Variants in CLSPN observed in about 807,000 individuals in gnomAD.
CLSPN encodes claspin homolog.
CLSPN carries 85 observed loss-of-function variants against 156.3 expected under a neutral mutation model. The ratio of observed to expected loss-of-function variants is 0.54; its 90% CI spans 0.46 to 0.65. The LOEUF (loss-of-function observed/expected upper bound fraction) is 0.65, where lower values mean the gene tolerates loss of function less well. CLSPN is among the 30% of genes least tolerant of loss of function. The pLI, the probability that CLSPN is intolerant of heterozygous loss-of-function variation, is 0.00. For missense variants in CLSPN, 1,407 were observed against 1,554.9 expected (o/e 0.90, Z 1.60); for synonymous variants, 534 against 542.4 (o/e 0.98, Z 0.22).
At position 35,769,889 on chromosome 1, in the gene CLSPN, G is replaced by T. The variant is rs375832393; in HGVS notation, c.-19C>A. On this transcript the variant is annotated 5_prime_UTR_variant, in exon 1 of 25. Transcript: ENST00000318121. The stretch of plus-strand genomic sequence containing the variant: ...CTGTCATGACTTCTGCCTCCCCTGC[G>T]CTCCACTAGGGACGGAGCTGTCTCT... 1 of 1,608,816 alleles carries T rather than the reference G, an allele frequency of 6.2e-7. No individual in the cohort carries two copies. Among genetic ancestry groups the T allele is most frequent in the East Asian group, 2.2e-5 (1 of 44,532 alleles).
chr1:35,728,245 C>A (rs1248780167), downstream of CLSPN, among the ~76,000 whole-genome samples: 1 of 152,054 alleles, frequency 6.6e-6, no homozygotes, highest in African/African-American at 2.4e-5. Context: ...CCATGCACAG[C>A]TAATTTTTGT....
chr1:35,741,698 G>A (rs1401102948), intron 18 of CLSPN, among the ~76,000 whole-genome samples: 1 of 152,148 alleles, frequency 6.6e-6, no homozygotes, highest in African/African-American at 2.4e-5. Context: ...GGGCCGGCCA[G>A]GTGGGGTGGC....
At chr1:35,745,786 T>C (rs1206989355) in intron 15 of CLSPN, among the ~76,000 whole-genome samples, 3 of 152,210 alleles carry the variant, frequency 2.0e-5, no homozygotes, top group Non-Finnish European at 2.9e-5. Context: ...CCAGGTCTCA[T>C]AGAGCTTATG....
At chr1:35,745,742 C>G (rs945274663) in intron 15 of CLSPN, among the ~76,000 whole-genome samples, 180 bp from the exon 16 acceptor site, 5 of 152,180 alleles carry the variant, frequency 3.3e-5, no homozygotes, top group African/African-American at 9.7e-5. Context: ...ATGTGCCAGG[C>G]CACCAGGGAT....
At chr1:35,754,958 C>T (rs1254214429) in intron 8 of CLSPN, among the ~76,000 whole-genome samples, 1 of 152,184 alleles carries the variant, frequency 6.6e-6, no homozygotes, top group African/African-American at 2.4e-5. Context: ...TAGCTGTTAC[C>T]TGGAACCAAT....
intron 8 of CLSPN, among the ~76,000 whole-genome samples, chr1:35,754,843 C>A (rs144518163): frequency 1.1e-3 from 162 of 152,154 alleles, no homozygotes; most frequent in Admixed American, 1.8e-3. Context: ...TGTATACAAA[C>A]GGAAATATAT....
In CLSPN at chr1:35,761,996, A is replaced by C; in HGVS notation, c.895+2T>G. On this transcript the variant is annotated splice_donor_variant, in intron 6 of 24. Transcript: ENST00000318121. LOFTEE classifies it high-confidence loss of function. Reference sequence around the variant, plus strand: ...GCCTCAAAGTTTACTGGGTTGCATTACCTCGAATAAGGCGCTGAGTCTCAC... The same window carrying C: ...GCCTCAAAGTTTACTGGGTTGCATTCCCTCGAATAAGGCGCTGAGTCTCAC... 6.2e-7 allele frequency: 1 copy of C among 1,609,010 alleles called. No homozygotes were observed. Among genetic ancestry groups the C allele is most frequent in the African/African-American group, 1.3e-5 (1 of 74,978 alleles).
chr1:35,737,396 T>A lies in CLSPN; in HGVS notation c.3690A>T (p.Glu1230Asp). The stretch of plus-strand genomic sequence containing the variant: ...AAGGATTTCTGAGCAAAGACTTTGA[T>A]TCCTGAATAACCATAGGGCGACTGG... ...KNASRPMVIQ[E>D]SKSLLRNPFE... The change falls in exon 23 of 25, where the codon GAA (glutamate) becomes GAT (aspartate). Residue 1230 changes from glutamate (E) to aspartate (D), a missense_variant. Physicochemically the swap from Glu to Asp is conservative, Grantham distance 45. This residue lies in a region of CLSPN where 241 missense variants were observed against 240.5 expected (regional missense o/e 1.00). Transcript: ENST00000318121. 6.2e-7 allele frequency: 1 copy of A among 1,614,014 alleles called. No homozygotes were observed. Among genetic ancestry groups the A allele is most frequent in the South Asian group, 1.1e-5 (1 of 91,070 alleles).
chr1:35,743,604 T>TA, intron 16 of CLSPN, 74 bp from the exon 17 acceptor site: 3 of 1,245,016 alleles, frequency 2.4e-6, no homozygotes, highest in Non-Finnish European at 3.5e-6. Context: ...AGTTATGAAT[T>TA]AAAAAAAATT....
In CLSPN at chr1:35,760,985, A is replaced by T. The variant is rs113728188; in HGVS notation, c.1005-69T>A. The T allele has an allele frequency of 2.3e-5, 32 of 1,420,672 alleles. No homozygotes were observed. The African/African-American group carries it at 3.7e-4, about 16-fold the overall frequency. The allele number at this position is 1,420,672 out of a possible 1,614,324, so 88.0% of individuals were successfully genotyped here. On this transcript the variant is annotated intron_variant, in intron 7 of 24. Transcript: ENST00000318121. ...GTGAAACATTCTCATCCCTTAGTAT[A>T]TATCAGTTAAATCAGTTTTAAGGGA... is the stretch of plus-strand genomic sequence containing the variant.
chr1:35,747,199 G>A (rs537013314), intron 14 of CLSPN, among the ~76,000 whole-genome samples: 1 of 152,222 alleles, frequency 6.6e-6, no homozygotes, highest in East Asian at 1.9e-4. Context: ...GTGGGCGCCT[G>A]TAGTCCCAGC....
intron 8 of CLSPN, among the ~76,000 whole-genome samples, chr1:35,756,592 T>A (rs747325072): frequency 1.4e-4 from 22 of 152,184 alleles, no homozygotes; most frequent in Middle Eastern, 3.2e-3. Context: ...AAAGTCTCTT[T>A]CCTAGCTTAT....
downstream of CLSPN, among the ~76,000 whole-genome samples, chr1:35,729,441 G>C (rs1641266982): frequency 6.6e-6 from 1 of 152,090 alleles, no homozygotes; most frequent in South Asian, 2.1e-4. Context: ...CCCACCACAG[G>C]GTAGAACTAA....
chr1:35,725,112 C>A (rs1308145664), intron 24 of CLSPN, among the ~76,000 whole-genome samples: 1 of 152,164 alleles, frequency 6.6e-6, no homozygotes, highest in East Asian at 1.9e-4. Flanking sequence ...AAACCCTCCA[C>A]CTAAGGGCTC....
At chr1:35,727,064 C>T (rs1233693244) in intron 24 of CLSPN, among the ~76,000 whole-genome samples, 2 of 152,200 alleles carry the variant, frequency 1.3e-5, no homozygotes, top group African/African-American at 2.4e-5. Flanking sequence ...ACACCTCCAA[C>T]GCTGGAAATC....
Position 35,769,852 on chromosome 1 carries a change from A to C in CLSPN, c.19T>G (p.Ser7Ala). 6.2e-7 allele frequency: 1 copy of C among 1,607,304 alleles called. No individual in the cohort carries two copies. The highest frequency in any genetic ancestry group is 8.5e-7 in the Non-Finnish European group (1 of 1,176,742). ...GGGCGTGTGCATAAACTCACCTCAG[A>C]ACCCACCTCGCCTGTCATGACTTCT... Reference protein sequence around the residue: MTGEVGSEVHLEINDPN... With the variant: MTGEVGAEVHLEINDPN... The change falls in exon 1 of 25, where the codon TCT becomes GCT. Residue 7 changes from serine (S) to alanine (A), a missense_variant. By Grantham distance (99) the Ser-to-Ala change is moderately conservative (BLOSUM62 1). Around this residue, in one of 3 missense-constraint regions of CLSPN, gnomAD observed 1,096 missense variants for 1,193.0 expected, o/e 0.92. Coordinates refer to ENST00000318121, the MANE Select transcript of CLSPN (RefSeq NM_022111.4).
chr1:35,766,026 GCT>G (rs1642662259), intron 1 of CLSPN, among the ~76,000 whole-genome samples: 1 of 112,758 alleles, frequency 8.9e-6, no homozygotes, highest in East Asian at 2.9e-4. Context: ...ATAGAATCTC[GCT>G]CTGTCACCCA....
intron 24 of CLSPN, chr1:35,721,046 T>A: frequency 9.0e-7 from 1 of 1,105,634 alleles, no homozygotes; most frequent in Middle Eastern, 2.0e-4. Flanking sequence ...TCTGATAATG[T>A]TGCAGACCCT....
intron 8 of CLSPN, among the ~76,000 whole-genome samples, chr1:35,754,271 T>A (rs1201466357): frequency 6.6e-6 from 1 of 152,248 alleles, no homozygotes; most frequent in Non-Finnish European, 1.5e-5. Context: ...AAAAAGATTA[T>A]AATCTCATCT....
Sources: gnomAD v4.1 joint callset for allele counts (sites outside exome capture counted in the v4.1 genomes callset) on GRCh38, gnomAD v4.1.1 for gene constraint, gnomAD v4.1.1 regional missense constraint, MANE v1.5 for transcripts, NCBI Gene and HGNC (gene_info 2026-07-23, HGNC 2026-07-21) for gene names.